KIAA0825: variants seen among roughly 807,000 people sequenced by gnomAD.
KIAA0825 encodes KIAA0825.
A neutral mutation model predicts 147.6 loss-of-function variants in KIAA0825; 119 were observed. That is an observed-to-expected ratio of 0.81 (90% CI 0.69 to 0.94). The LOEUF (loss-of-function observed/expected upper bound fraction) is 0.94, where lower values mean the gene tolerates loss of function less well. Among genes scored for constraint, KIAA0825 ranks in the 40% least tolerant of loss-of-function variants. The pLI is 0.00. For synonymous variants in KIAA0825, 470 were observed against 518.1 expected (o/e 0.91, Z 1.26); for missense variants, 1,381 against 1,472.7 (o/e 0.94, Z 1.02).
chr5:94,496,928 T>A (rs1764439867), intron 5 of KIAA0825, among the ~76,000 whole-genome samples: 1 of 152,184 alleles, frequency 6.6e-6, no homozygotes, highest in Non-Finnish European at 1.5e-5. Flanking sequence ...CTCCCCTATA[T>A]GTGAGCCCCT....
chr5:94,529,177 A>C (rs887981966), intron 3 of KIAA0825, among the ~76,000 whole-genome samples: 2 of 148,042 alleles, frequency 1.4e-5, no homozygotes, highest in Non-Finnish European at 3.0e-5. Flanking sequence ...AAATACTCTC[A>C]TATATATTAT....
chr5:94,361,136 T>C (rs77494001), intron 20 of KIAA0825, among the ~76,000 whole-genome samples: 3 of 152,222 alleles, frequency 2.0e-5, no homozygotes. Flanking sequence ...AACTCAATAG[T>C]TTCCACCTAA....
intron 20 of KIAA0825, among the ~76,000 whole-genome samples, chr5:94,279,585 C>A (rs1460871376): frequency 6.6e-6 from 1 of 151,998 alleles, no homozygotes. Flanking sequence ...CCTATATTAC[C>A]CATTTATCTC....
At chr5:94,182,667 T>A (rs1465196592) in intron 20 of KIAA0825, among the ~76,000 whole-genome samples, 2 of 152,118 alleles carry the variant, frequency 1.3e-5, no homozygotes, top group African/African-American at 4.8e-5. Context: ...TTTATGATAA[T>A]TTTTTTCCTT....
At chr5:94,587,750 C>T (rs148696927) in intron 1 of KIAA0825, among the ~76,000 whole-genome samples, 1,838 of 152,202 alleles carry the variant, frequency 0.012, 35 homozygotes, top group African/African-American at 0.042. Context: ...CAATCCTTAG[C>T]AAAAAGAACA....
chr5:94,613,682 C>T (rs1789555208), intron 1 of KIAA0825, among the ~76,000 whole-genome samples: 1 of 152,192 alleles, frequency 6.6e-6, no homozygotes, highest in Non-Finnish European at 1.5e-5. Flanking sequence ...GGGCTGTTGC[C>T]ATAGAGAAAA....
intron 13 of KIAA0825, among the ~76,000 whole-genome samples, chr5:94,451,909 T>C (rs1049909675): frequency 1.2e-4 from 18 of 152,234 alleles, no homozygotes; most frequent in African/African-American, 4.1e-4. Flanking sequence ...TCCAGTCGTT[T>C]GTTACTTTTG....
chr5:94,380,066 G>C (rs1401840644), intron 20 of KIAA0825, among the ~76,000 whole-genome samples: 1 of 151,754 alleles, frequency 6.6e-6, no homozygotes, highest in African/African-American at 2.4e-5. Flanking sequence ...TGTTAGCCAG[G>C]ATGGTCTCGA....
intron 1 of KIAA0825, among the ~76,000 whole-genome samples, chr5:94,598,348 T>C (rs1234479350): frequency 6.6e-6 from 1 of 152,046 alleles, no homozygotes; most frequent in East Asian, 1.9e-4. Context: ...ATCACAGACT[T>C]CCACCTCCAC....
At chr5:94,335,822 G>A (rs572536058) in intron 20 of KIAA0825, among the ~76,000 whole-genome samples, 2 of 152,196 alleles carry the variant, frequency 1.3e-5, no homozygotes, top group East Asian at 1.9e-4. Context: ...ATCAGGAAGT[G>A]TATTAATATT....
rs1360331768 is a variant in KIAA0825 at position 94,208,325 on chromosome 5, A to G, written c.3711-54201T>C. Reference sequence around the variant, plus strand: ...TTCTGAGCATAAAGCAAGGGAGAACACTTACCTCCCTGACTGACTTAAAAG... The same window carrying G: ...TTCTGAGCATAAAGCAAGGGAGAACGCTTACCTCCCTGACTGACTTAAAAG... On this transcript the variant is annotated intron_variant, in intron 20 of 20. Transcript: ENST00000682413. Among the ~76,000 whole-genome samples, 7 of 152,212 alleles carry G rather than the reference A, an allele frequency of 4.6e-5. No individual in the cohort carries two copies. In the East Asian group the frequency reaches 1.3e-3, roughly 29 times the overall value.
chr5:94,210,850 A>T (rs1772645124), intron 20 of KIAA0825, among the ~76,000 whole-genome samples: 1 of 152,226 alleles, frequency 6.6e-6, no homozygotes, highest in South Asian at 2.1e-4. Context: ...CTTTGCCTGG[A>T]GTATAATGAC....
At chr5:94,325,516 C>A (rs996318796) in intron 20 of KIAA0825, among the ~76,000 whole-genome samples, 3 of 151,814 alleles carry the variant, frequency 2.0e-5, no homozygotes, top group Non-Finnish European at 1.5e-5. Context: ...ACACATAAAT[C>A]AAATATTCAG....
intron 2 of KIAA0825, among the ~76,000 whole-genome samples, chr5:94,575,464 G>A (rs550054227): frequency 7.2e-5 from 11 of 152,134 alleles, no homozygotes; most frequent in Middle Eastern, 3.2e-3. Flanking sequence ...AAACCAGGCC[G>A]CTGTTACATG....
At chr5:94,596,010 G>C (rs1013328571) in intron 1 of KIAA0825, among the ~76,000 whole-genome samples, 1 of 152,172 alleles carries the variant, frequency 6.6e-6, no homozygotes, top group Non-Finnish European at 1.5e-5. Context: ...CAGATGTATA[G>C]TTTGCAAATA....
At chr5:94,608,732 G>T (rs549711847) in intron 1 of KIAA0825, among the ~76,000 whole-genome samples, 1 of 150,510 alleles carries the variant, frequency 6.6e-6, no homozygotes, top group Non-Finnish European at 1.5e-5. Context: ...ACATCAGACC[G>T]TATTTGTTGC....
chr5:94,402,449 C>T (rs550384244), intron 16 of KIAA0825, among the ~76,000 whole-genome samples: 8 of 152,062 alleles, frequency 5.3e-5, no homozygotes, highest in African/African-American at 1.9e-4. Context: ...GAAAAGGTGA[C>T]ATTTTCCAAT....
intron 14 of KIAA0825, among the ~76,000 whole-genome samples, chr5:94,424,930 A>G (rs1163521061): frequency 6.6e-6 from 1 of 152,156 alleles, no homozygotes; most frequent in East Asian, 1.9e-4. Flanking sequence ...ACCTACCAAG[A>G]TTAATTCAGG....
chr5:94,455,212 G>GT (rs1224458358), intron 12 of KIAA0825, among the ~76,000 whole-genome samples: 2 of 151,944 alleles, frequency 1.3e-5, no homozygotes, highest in East Asian at 3.9e-4. Context: ...AAAAAGGAAC[G>GT]TAAGATGTAA....
Sources: gnomAD v4.1 joint callset for allele counts (sites outside exome capture counted in the v4.1 genomes callset) on GRCh38, gnomAD v4.1.1 for gene constraint, MANE v1.5 for transcripts, NCBI Gene and HGNC (gene_info 2026-07-23, HGNC 2026-07-21) for gene names.